DMD: variants seen among roughly 807,000 people sequenced by gnomAD.
DMD encodes mutant dystrophin.
A neutral mutation model predicts 330.1 loss-of-function variants in DMD; 63 were observed. That is an observed-to-expected ratio of 0.19 (90% CI 0.16 to 0.24). The LOEUF (loss-of-function observed/expected upper bound fraction) is 0.24. Among genes scored for constraint, DMD ranks in the 10% least tolerant of loss-of-function variants. The probability of loss-of-function intolerance (pLI) is 1.00; values close to 1 mark genes in which losing one functional copy is unlikely to be tolerated. For synonymous variants in DMD, 1,223 were observed against 959.8 expected (o/e 1.27, Z -5.07); for missense variants, 3,344 against 2,684.1 (o/e 1.25, Z -5.43).
At chrX:32,755,316 G>A (rs868852637) in intron 7 of DMD, among the ~76,000 whole-genome samples, 2 of 108,076 alleles carry the variant, frequency 1.9e-5, no homozygotes, top group South Asian at 8.0e-4. Flanking sequence ...TTCAGACAAG[G>A]AAAAAAAACA....
At chrX:31,373,158 G>C (rs1275413820) in intron 60 of DMD, among the ~76,000 whole-genome samples, 29 of 103,154 alleles carry the variant, frequency 2.8e-4, no homozygotes, top group Non-Finnish European at 5.4e-4. Flanking sequence ...CACTGCTCAA[G>C]GAAATAAAAG....
intron 55 of DMD, among the ~76,000 whole-genome samples, chrX:31,601,440 G>A (rs985310098): frequency 6.3e-5 from 7 of 111,873 alleles, no homozygotes; most frequent in African/African-American, 9.8e-5. Flanking sequence ...GTTCCAGATC[G>A]TGGGCCACTT....
intron 44 of DMD, among the ~76,000 whole-genome samples, chrX:32,162,590 C>CT (rs3040088): frequency 0.13 from 5,420 of 43,204 alleles, 1,125 homozygotes; most frequent in Non-Finnish European, 0.16. Context: ...AAGCAACAAG[C>CT]TTTTTTTTTT....
chrX:31,292,641 C>A (rs2053789450), intron 62 of DMD, among the ~76,000 whole-genome samples: 1 of 111,301 alleles, frequency 9.0e-6, no homozygotes, highest in African/African-American at 3.3e-5. Flanking sequence ...ACGTGTGTGC[C>A]AAAAAACGCA....
chrX:31,366,806 GTCTATT>G (rs1327757191), intron 60 of DMD, among the ~76,000 whole-genome samples: 1 of 108,314 alleles, frequency 9.2e-6, no homozygotes, highest in African/African-American at 3.4e-5. Context: ...TAGCATTTTA[GTCTATT>G]TCTGTCTGTC....
intron 2 of DMD, among the ~76,000 whole-genome samples, chrX:32,879,021 A>AAAAC (rs1557109753): frequency 3.9e-5 from 4 of 101,792 alleles, no homozygotes; most frequent in East Asian, 3.2e-4. Flanking sequence ...AAAAAAACAA[A>AAAAC]AAACAAAAAA....
Position 32,783,460 on chromosome X carries a change from A to G in DMD, c.649+26033T>C, listed in dbSNP as rs185281025. ...AAAAATAAATTGTTTCCCAAATAAA[A>G]AAATATTCAGGAAATACAATAAAAA... On this transcript the variant is annotated intron_variant, in intron 7 of 78. Transcript: ENST00000357033. Among the ~76,000 whole-genome samples the G allele has an allele frequency of 1.0e-3, 114 of 108,673 alleles. 1 individual carries two copies. Among genetic ancestry groups the G allele is most frequent in the African/African-American group, 3.2e-3 (95 of 30,089 alleles). The allele number at this position is 108,673 out of a possible 115,157, so 94.4% of individuals were successfully genotyped here. A position where few individuals can be genotyped will look rare whatever the true frequency, so the allele number is the denominator to read the frequency against.
At chrX:32,764,121 G>A (rs1186911722) in intron 7 of DMD, among the ~76,000 whole-genome samples, 1 of 108,585 alleles carries the variant, frequency 9.2e-6, no homozygotes, top group Non-Finnish European at 1.9e-5. Flanking sequence ...CAACTAAATG[G>A]TTAAAAATTA....
At chrX:32,402,180 T>G (rs1389604920) in intron 30 of DMD, among the ~76,000 whole-genome samples, 1 of 111,960 alleles carries the variant, frequency 8.9e-6, no homozygotes, top group Non-Finnish European at 1.9e-5. Context: ...ACCATTTAAG[T>G]TAATTCCAGG....
chrX:33,334,711 A>C (rs2054226500), intron 1 of DMD, among the ~76,000 whole-genome samples: 1 of 111,512 alleles, frequency 9.0e-6, no homozygotes, highest in Non-Finnish European at 1.9e-5. Context: ...AATGTGGACT[A>C]TCATTTACTG....
rs1268395705 is a variant in DMD, at chrX:32,280,551, C to T, written c.6290+6978G>A. ...AATATGGTAGAGATTAATTCTAAGACTGCAATGATAATCCTTCGTGAGTTG... is the reference window on the plus strand; with the variant it reads ...AATATGGTAGAGATTAATTCTAAGATTGCAATGATAATCCTTCGTGAGTTG... On this transcript the variant is annotated intron_variant, in intron 43 of 78. Coordinates refer to ENST00000357033, the MANE Select transcript of DMD (RefSeq NM_004006.3). 4.5e-5 allele frequency among the ~76,000 whole-genome samples: 5 copies of T among 111,170 alleles called. No homozygotes were observed. The East Asian group carries it at 1.1e-3, about 25-fold the overall frequency.
At chrX:32,565,149 T>C (rs1307332499) in intron 16 of DMD, among the ~76,000 whole-genome samples, 2 of 111,335 alleles carry the variant, frequency 1.8e-5, no homozygotes, top group African/African-American at 6.5e-5. Context: ...CTACAGCCCG[T>C]ATGTGTTAGT....
intron 67 of DMD, among the ~76,000 whole-genome samples, chrX:31,185,942 A>C (rs763076237): frequency 1.8e-5 from 2 of 111,972 alleles, no homozygotes; most frequent in African/African-American, 6.5e-5. Flanking sequence ...TGAATATATG[A>C]CATGGGAATA....
At chrX:32,683,828 C>A (rs954771002) in intron 9 of DMD, among the ~76,000 whole-genome samples, 2 of 108,660 alleles carry the variant, frequency 1.8e-5, no homozygotes, top group Non-Finnish European at 3.8e-5. Flanking sequence ...TGTAACCATT[C>A]ACCTAACAAG....
intron 63 of DMD, among the ~76,000 whole-genome samples, chrX:31,236,598 C>A (rs1241584642): frequency 8.9e-6 from 1 of 112,193 alleles, no homozygotes; most frequent in Non-Finnish European, 1.9e-5. Flanking sequence ...ACAAAGTCTG[C>A]AAAGTGTTTA....
In DMD at chrX:32,888,335, G is replaced by A. The variant is rs565672454; in HGVS notation, c.94-38515C>T. Among the ~76,000 whole-genome samples, 549 of 109,185 alleles carry A rather than the reference G, an allele frequency of 5.0e-3. 2 individuals carry two copies. The highest frequency in any genetic ancestry group is 0.017 in the African/African-American group (512 of 29,898). 94.8% of individuals were successfully genotyped at this position (109,185 alleles called of 115,157 possible). ...CTACGCCCCCACCCCCACAGGCTCCGGTCTGTCATGTTCCCCTCCCCGTGT... is the reference window on the plus strand; with the variant it reads ...CTACGCCCCCACCCCCACAGGCTCCAGTCTGTCATGTTCCCCTCCCCGTGT... On this transcript the variant is annotated intron_variant, in intron 2 of 78. Transcript: ENST00000357033.
intron 11 of DMD, among the ~76,000 whole-genome samples, chrX:32,633,389 G>T (rs193133513): frequency 8.9e-6 from 1 of 111,818 alleles, no homozygotes; most frequent in South Asian, 3.8e-4. Context: ...CTGAGACCTC[G>T]ACAGCTTGGA....
chrX:31,728,325 G>A (rs1244202933), intron 52 of DMD, among the ~76,000 whole-genome samples: 8 of 111,765 alleles, frequency 7.2e-5, no homozygotes, highest in Non-Finnish European at 1.5e-4. Flanking sequence ...GCGCCCGGCC[G>A]AGTAACTGTT....
At chrX:31,748,027 A>C (rs1461441507) in intron 51 of DMD, among the ~76,000 whole-genome samples, 11 of 111,948 alleles carry the variant, frequency 9.8e-5, no homozygotes, top group Non-Finnish European at 1.9e-5. Context: ...GGCTAGGCAG[A>C]GACAAAAACT....
Sources: gnomAD v4.1 joint callset for allele counts (sites outside exome capture counted in the v4.1 genomes callset) on GRCh38, gnomAD v4.1.1 for gene constraint, MANE v1.5 for transcripts, NCBI Gene and HGNC (gene_info 2026-07-23, HGNC 2026-07-21) for gene names.